Variants in TCF4 observed in about 807,000 individuals in gnomAD.
The protein encoded by TCF4 is transcription factor 4, also known as SL3-3 enhancer factor 2.
Under a neutral mutation model 82.1 loss-of-function variants are expected in TCF4, and 3 were observed. The ratio of observed to expected loss-of-function variants is 0.04; its 90% CI spans 0.02 to 0.09. TCF4 has a LOEUF of 0.09. TCF4 is among the 10% of genes least tolerant of loss of function. The pLI, the probability that TCF4 is intolerant of heterozygous loss-of-function variation, is 1.00. For synonymous variants in TCF4, 276 were observed against 309.6 expected, an observed-to-expected ratio of 0.89 and a Z score of 1.14; for missense variants, 518 against 852.7, an observed-to-expected ratio of 0.61 and a Z score of 4.89.
chr18:55,629,051 T>C lies in TCF4; in HGVS notation c.286+2247A>G, dbSNP rs373117969. ...GCACAAAGTTCCCATGTAATAAATA[T>C]TGTATGCAATGCAAAATTCACAATC... On this transcript the variant is annotated intron_variant, in intron 2 of 20. Transcript: ENST00000398339. Among the ~76,000 whole-genome samples the C allele has an allele frequency of 9.2e-5, 14 of 152,336 alleles. No homozygotes were observed. In the South Asian group the frequency reaches 2.7e-3, roughly 29 times the overall value.
At chr18:55,396,810 G>C in intron 6 of TCF4, among the ~76,000 whole-genome samples, 1 of 152,072 alleles carries the variant, frequency 6.6e-6, no homozygotes, top group East Asian at 1.9e-4. Context: ...ACATCCTCCA[G>C]GTAAGGAAAC....
intron 3 of TCF4, among the ~76,000 whole-genome samples, chr18:55,560,283 G>C (rs2097343712): frequency 6.6e-6 from 1 of 152,132 alleles, no homozygotes; most frequent in African/African-American, 2.4e-5. Flanking sequence ...AAGAATTCAA[G>C]TATTTGTGAG....
At chr18:55,297,332 G>T (rs1209733426) in intron 8 of TCF4, among the ~76,000 whole-genome samples, 1 of 151,980 alleles carries the variant, frequency 6.6e-6, no homozygotes, top group Non-Finnish European at 1.5e-5. Flanking sequence ...TCATTGGCAG[G>T]CTTGTATCAT....
chr18:55,234,518 G>C (rs2048802944), intron 16 of TCF4, 30 bp downstream of exon 16: 1 of 1,614,024 alleles, frequency 6.2e-7, no homozygotes. Context: ...TGAAAGTGAG[G>C]TCAGAAGTGC....
intron 16 of TCF4, 111 bp downstream of exon 16, chr18:55,234,437 T>C: frequency 4.7e-6 from 7 of 1,490,346 alleles, no homozygotes; most frequent in Non-Finnish European, 6.5e-6. Context: ...CCCAATTTGA[T>C]TCCTGGGTTT....
At chr18:55,455,218 G>GA (rs2095717583) in intron 5 of TCF4, among the ~76,000 whole-genome samples, 3 of 142,094 alleles carry the variant, frequency 2.1e-5, no homozygotes, top group African/African-American at 7.8e-5. Flanking sequence ...AGAAAAAGAA[G>GA]AAGGAGAAGT....
intron 5 of TCF4, among the ~76,000 whole-genome samples, chr18:55,404,628 T>G (rs2146520087): frequency 6.6e-6 from 1 of 152,318 alleles, no homozygotes; most frequent in Admixed American, 6.5e-5. Flanking sequence ...AGTTTTCCCC[T>G]CTCAACTCAA....
chr18:55,627,106 T>C (rs1034340301), intron 2 of TCF4, among the ~76,000 whole-genome samples: 3 of 152,212 alleles, frequency 2.0e-5, no homozygotes, highest in African/African-American at 7.2e-5. Context: ...CTGCCTCAAA[T>C]TGAGTCAGAG....
intron 5 of TCF4, among the ~76,000 whole-genome samples, chr18:55,430,694 A>T (rs950439181): frequency 6.6e-6 from 1 of 152,194 alleles, no homozygotes; most frequent in African/African-American, 2.4e-5. Flanking sequence ...CGTTTTTAAC[A>T]TTGTGGATGT....
chr18:55,283,626 G>A (rs1463957584), intron 8 of TCF4, among the ~76,000 whole-genome samples: 1 of 152,154 alleles, frequency 6.6e-6, no homozygotes, highest in Non-Finnish European at 1.5e-5. Context: ...CAAGTGTATT[G>A]GCCCAAACCA....
intron 8 of TCF4, among the ~76,000 whole-genome samples, chr18:55,340,561 G>T (rs997542323): frequency 7.1e-6 from 1 of 140,766 alleles, no homozygotes; most frequent in Non-Finnish European, 1.5e-5. Context: ...TCCAACCTAG[G>T]TGACAGAGCA....
intron 11 of TCF4, among the ~76,000 whole-genome samples, chr18:55,263,065 A>G (rs768988285): frequency 2.0e-5 from 3 of 152,136 alleles, no homozygotes; most frequent in Non-Finnish European, 4.4e-5. Flanking sequence ...TGGCCTCCCA[A>G]AGTGCTGGGA....
At chr18:55,406,880 C>T (rs1308725511) in intron 5 of TCF4, among the ~76,000 whole-genome samples, 4 of 152,208 alleles carry the variant, frequency 2.6e-5, no homozygotes, top group South Asian at 2.1e-4. Context: ...TACTAGAATG[C>T]GACAGCCGCT....
intron 3 of TCF4, 129 bp downstream of exon 3, chr18:55,585,151 A>G (rs1010714893): frequency 2.4e-6 from 2 of 831,114 alleles, no homozygotes; most frequent in African/African-American, 1.7e-5. Flanking sequence ...GGGTAATGCA[A>G]TAACCGTATG....
chr18:55,426,312 T>C (rs1364361133), intron 5 of TCF4, among the ~76,000 whole-genome samples: 5 of 152,028 alleles, frequency 3.3e-5, no homozygotes, highest in African/African-American at 1.2e-4. Flanking sequence ...CCACAGATCA[T>C]CCAAAACTGA....
chr18:55,360,969 C>T (rs1366279105), intron 6 of TCF4, among the ~76,000 whole-genome samples: 1 of 152,126 alleles, frequency 6.6e-6, no homozygotes, highest in Admixed American at 6.5e-5. Context: ...TCGTGATCCA[C>T]CCGCGCTGGC....
chr18:55,343,859 C>T (rs977167236), intron 8 of TCF4, among the ~76,000 whole-genome samples: 1 of 141,972 alleles, frequency 7.0e-6, no homozygotes, highest in Non-Finnish European at 1.5e-5. Flanking sequence ...GGTGCACACA[C>T]ACACGCGTGC....
In TCF4 at chr18:55,514,350, TATGCATTCA is replaced by T. The variant is rs1396758472; in HGVS notation, c.146-50222_146-50214del. ...ATCACTGAGCATGTGTTTGAAATAT[TATGCATTCA>T]TGCATGCACATGCACATCCATGAGC... On this transcript the variant is annotated intron_variant, in intron 3 of 19. Transcript: ENST00000354452. Among the ~76,000 whole-genome samples, 5 of 151,936 alleles carry T rather than the reference TATGCATTCA, an allele frequency of 3.3e-5. No individual in the cohort carries two copies. In the South Asian group the frequency reaches 1.0e-3, roughly 32 times the overall value.
chr18:55,482,368 A>G (rs1469809543), intron 3 of TCF4: 3 of 152,220 alleles, frequency 2.0e-5, no homozygotes, highest in Non-Finnish European at 4.4e-5. Context: ...GGATGACCCG[A>G]ATTAATCACC....
Sources: allele counts gnomAD v4.1 joint callset (sites outside exome capture counted in the v4.1 genomes callset), GRCh38; gene constraint gnomAD v4.1.1; transcripts MANE v1.5; gene names NCBI Gene and HGNC (gene_info 2026-07-23, HGNC 2026-07-21).